The following ARHGAP15 variants were observed in gnomAD, a reference collection of about 807,000 sequenced individuals.
ARHGAP15 encodes the protein rho GTPase-activating protein 15.
In ARHGAP15, 51 loss-of-function variants were observed where a neutral mutation model predicts 63.7. The observed-to-expected ratio is 0.80, with a 90% CI of 0.64 to 1.01. The LOEUF is 1.01. Among genes scored for constraint, ARHGAP15 ranks in the 50% least tolerant of loss-of-function variants. The pLI, the probability that ARHGAP15 is intolerant of heterozygous loss-of-function variation, is 0.00. For synonymous variants in ARHGAP15, 191 were observed against 193.8 expected, an observed-to-expected ratio of 0.99 and a Z score of 0.12; for missense variants, 560 against 564.6, an observed-to-expected ratio of 0.99 and a Z score of 0.08.
chr2:143,323,710 C>T (rs1037521739), intron 6 of ARHGAP15, among the ~76,000 whole-genome samples: 1 of 151,374 alleles, frequency 6.6e-6, no homozygotes, highest in South Asian at 2.1e-4. Context: ...ACGGTGAAAC[C>T]CTGTCTCTAC....
At chr2:143,152,932 G>A (rs1439440361) in intron 1 of ARHGAP15, among the ~76,000 whole-genome samples, 1 of 151,916 alleles carries the variant, frequency 6.6e-6, no homozygotes, top group African/African-American at 2.4e-5. Context: ...CCGCCTGATG[G>A]AAAGATCTAA....
chr2:143,579,684 T>A (rs1424664739), intron 11 of ARHGAP15, among the ~76,000 whole-genome samples: 1 of 141,284 alleles, frequency 7.1e-6, no homozygotes, highest in Non-Finnish European at 1.5e-5. Flanking sequence ...ATCAGCCAGA[T>A]CTTTTTGTCG....
chr2:143,454,412 A>C (rs1211022398), intron 8 of ARHGAP15, among the ~76,000 whole-genome samples: 1 of 152,104 alleles, frequency 6.6e-6, no homozygotes, highest in Non-Finnish European at 1.5e-5. Context: ...TTGGCTGGGA[A>C]TACAGTCTTA....
intron 6 of ARHGAP15, among the ~76,000 whole-genome samples, chr2:143,345,425 T>G (rs992728974): frequency 6.6e-5 from 10 of 152,146 alleles, no homozygotes; most frequent in African/African-American, 2.4e-4. Context: ...ATCATTTTTA[T>G]GTGCAACTTC....
At chr2:143,140,156 A>G (rs191259171) in intron 1 of ARHGAP15, among the ~76,000 whole-genome samples, 1 of 152,268 alleles carries the variant, frequency 6.6e-6, no homozygotes, top group East Asian at 1.9e-4. Context: ...TCTAAGTATT[A>G]TGATAAAATT....
chr2:143,564,600 C>T (rs905958682), intron 11 of ARHGAP15, among the ~76,000 whole-genome samples: 1 of 152,010 alleles, frequency 6.6e-6, no homozygotes, highest in African/African-American at 2.4e-5. Flanking sequence ...ACATGACTTA[C>T]CAAGACATAA....
intron 6 of ARHGAP15, among the ~76,000 whole-genome samples, chr2:143,298,478 A>G (rs1682750526): frequency 6.6e-6 from 1 of 152,016 alleles, no homozygotes; most frequent in South Asian, 2.1e-4. Context: ...AGCCTCATTC[A>G]TGTGAATGGA....
At chr2:143,183,458 T>C (rs2105073875) in intron 2 of ARHGAP15, among the ~76,000 whole-genome samples, 1 of 152,270 alleles carries the variant, frequency 6.6e-6, no homozygotes, top group South Asian at 2.1e-4. Flanking sequence ...ATCAGGAAAG[T>C]GAAAACAGCA....
At chr2:143,484,767 A>G (rs1194230690) in intron 8 of ARHGAP15, among the ~76,000 whole-genome samples, 1 of 152,248 alleles carries the variant, frequency 6.6e-6, no homozygotes, top group Non-Finnish European at 1.5e-5. Context: ...TATTTTATTT[A>G]GCAGAAAATA....
At chr2:143,325,151 A>T (rs1011743117) in intron 6 of ARHGAP15, among the ~76,000 whole-genome samples, 10 of 152,120 alleles carry the variant, frequency 6.6e-5, no homozygotes, top group African/African-American at 2.4e-4. Flanking sequence ...AATTCATTTC[A>T]TATGTAGTTA....
chr2:143,446,632 TTC>T (rs1371022367), intron 8 of ARHGAP15, among the ~76,000 whole-genome samples: 2 of 149,714 alleles, frequency 1.3e-5, no homozygotes, highest in Admixed American at 6.6e-5. Context: ...GCCATTTCCA[TTC>T]TTTTTTTTTT....
intron 10 of ARHGAP15, among the ~76,000 whole-genome samples, chr2:143,548,258 G>GA (rs1310453706): frequency 2.6e-5 from 4 of 152,058 alleles, no homozygotes; most frequent in African/African-American, 9.7e-5. Context: ...ATTTGAAAAT[G>GA]ATCCCAATTG....
chr2:143,374,963 T>A (rs1686737771), intron 6 of ARHGAP15, among the ~76,000 whole-genome samples: 1 of 152,320 alleles, frequency 6.6e-6, no homozygotes, highest in South Asian at 2.1e-4. Context: ...AATGAATATA[T>A]GATCATCACA....
intron 6 of ARHGAP15, among the ~76,000 whole-genome samples, chr2:143,355,631 A>G (rs1256748387): frequency 6.6e-6 from 1 of 152,188 alleles, no homozygotes; most frequent in Admixed American, 6.5e-5. Flanking sequence ...ATTATATTTT[A>G]AAGCTGTTAT....
intron 13 of ARHGAP15, among the ~76,000 whole-genome samples, chr2:143,747,029 A>G (rs1686191964): frequency 6.6e-6 from 1 of 152,080 alleles, no homozygotes; most frequent in African/African-American, 2.4e-5. Context: ...AGATTTTTCA[A>G]ACCAGATTTA....
At chr2:143,660,808 C>G (rs889238341) in intron 12 of ARHGAP15, among the ~76,000 whole-genome samples, 2 of 152,214 alleles carry the variant, frequency 1.3e-5, no homozygotes, top group African/African-American at 4.8e-5. Flanking sequence ...TGATGGCCAG[C>G]AAATAACACA....
intron 12 of ARHGAP15, among the ~76,000 whole-genome samples, chr2:143,696,595 C>T (rs1389114542): frequency 6.6e-6 from 1 of 152,076 alleles, no homozygotes; most frequent in African/African-American, 2.4e-5. Context: ...AAGCTTCCCT[C>T]ATTTAACAAA....
chr2:143,691,840 TCATCTTAGTTGG>T (rs1269054674), intron 12 of ARHGAP15, among the ~76,000 whole-genome samples: 1 of 152,236 alleles, frequency 6.6e-6, no homozygotes, highest in Non-Finnish European at 1.5e-5. Context: ...TTGGCTGTTT[TCATCTTAGTTGG>T]CAGGGAGAGT....
At chr2:143,681,278 C>T (rs1039316443) in intron 12 of ARHGAP15, among the ~76,000 whole-genome samples, 5 of 152,120 alleles carry the variant, frequency 3.3e-5, no homozygotes, top group South Asian at 2.1e-4. Flanking sequence ...CAATGTGATA[C>T]TATGCTTTAG....
Sources: allele counts gnomAD v4.1 joint callset (sites outside exome capture counted in the v4.1 genomes callset), GRCh38; gene constraint gnomAD v4.1.1; transcripts MANE v1.5; gene names NCBI Gene and HGNC (gene_info 2026-07-23, HGNC 2026-07-21).